The following KHDRBS2 variants were observed in gnomAD, a reference collection of about 807,000 sequenced individuals.
The protein encoded by KHDRBS2 is KH domain-containing, RNA-binding, signal transduction-associated protein 2.
A neutral mutation model predicts 44.3 loss-of-function variants in KHDRBS2; 26 were observed. The ratio of observed to expected loss-of-function variants is 0.59; its 90% CI spans 0.43 to 0.81. KHDRBS2 has a LOEUF of 0.81. KHDRBS2 is among the 40% of genes least tolerant of loss of function. The pLI is 0.00. For synonymous variants in KHDRBS2, 194 were observed against 151.1 expected, an observed-to-expected ratio of 1.28 and a Z score of -2.08; for missense variants, 476 against 433.1, an observed-to-expected ratio of 1.10 and a Z score of -0.88.
intron 6 of KHDRBS2, among the ~76,000 whole-genome samples, chr6:61,852,933 C>A (rs1157923923): frequency 4.0e-4 from 61 of 152,190 alleles, no homozygotes; most frequent in Non-Finnish European, 4.4e-5. Context: ...TTAACTCTAC[C>A]CACCATACCT....
intron 4 of KHDRBS2, among the ~76,000 whole-genome samples, chr6:61,954,354 TATGCATACATATATACGTATGTATGC>T (rs70993190): frequency 0.12 from 10,226 of 85,778 alleles, 1,364 homozygotes; most frequent in Admixed American, 0.16. Context: ...TATACATATG[TATGCATACATATATACGTATGTATGC>T]ATGCATACAT....
At chr6:61,641,297 C>T in the KHDRBS2 span, among the ~76,000 whole-genome samples, 2 of 152,190 alleles carry the variant, frequency 1.3e-5, no homozygotes. Context: ...TTCACTGGCT[C>T]ACCATTGCCT....
At chr6:62,011,099 C>T (rs1018550369) in intron 3 of KHDRBS2, among the ~76,000 whole-genome samples, 2 of 149,848 alleles carry the variant, frequency 1.3e-5, no homozygotes, top group East Asian at 3.9e-4. Flanking sequence ...ATTTTGATGA[C>T]TTATATATAT....
At chr6:61,601,799 C>G in the KHDRBS2 span, among the ~76,000 whole-genome samples, 1 of 152,226 alleles carries the variant, frequency 6.6e-6, no homozygotes, top group African/African-American at 2.4e-5. Flanking sequence ...GCTCTCCCAC[C>G]CTATAATCCT....
At chr6:61,874,195 G>A (rs1279822216) in intron 6 of KHDRBS2, among the ~76,000 whole-genome samples, 1 of 151,992 alleles carries the variant, frequency 6.6e-6, no homozygotes, top group Non-Finnish European at 1.5e-5. Context: ...ATAAGAAATA[G>A]TAACTAACAT....
intron 3 of KHDRBS2, among the ~76,000 whole-genome samples, chr6:61,983,305 G>A (rs563658642): frequency 4.2e-5 from 6 of 143,402 alleles, no homozygotes; most frequent in Admixed American, 1.5e-4. Context: ...TCAGACTCCT[G>A]GGCTCAAGTG....
chr6:61,834,369 A>G (rs1451177031), intron 6 of KHDRBS2, among the ~76,000 whole-genome samples: 1 of 152,084 alleles, frequency 6.6e-6, no homozygotes, highest in Non-Finnish European at 1.5e-5. Context: ...ATAAAATACA[A>G]TGAAACTACA....
intron 3 of KHDRBS2, among the ~76,000 whole-genome samples, chr6:61,990,758 G>A (rs1163368315): frequency 6.6e-6 from 1 of 151,210 alleles, no homozygotes; most frequent in East Asian, 1.9e-4. Context: ...TCACCAGGCT[G>A]GAGTGCAGTG....
downstream of KHDRBS2, among the ~76,000 whole-genome samples, chr6:61,676,707 A>G (rs1422159690): frequency 6.6e-6 from 1 of 151,818 alleles, no homozygotes; most frequent in African/African-American, 2.4e-5. Flanking sequence ...TGGTGTGGAC[A>G]ACTCTGTGAG....
intron 3 of KHDRBS2, among the ~76,000 whole-genome samples, chr6:62,036,185 AC>A (rs1478854477): frequency 6.6e-6 from 1 of 151,820 alleles, no homozygotes; most frequent in Non-Finnish European, 1.5e-5. Context: ...TGACTTAGGC[AC>A]CCTGAGTACA....
At chr6:61,945,826 A>G (rs1300016804) in intron 4 of KHDRBS2, among the ~76,000 whole-genome samples, 1 of 152,180 alleles carries the variant, frequency 6.6e-6, no homozygotes, top group Non-Finnish European at 1.5e-5. Context: ...AAGTCCATTT[A>G]TGTCCATTAA....
intron 1 of KHDRBS2, among the ~76,000 whole-genome samples, chr6:62,201,422 T>C (rs1051681292): frequency 6.6e-5 from 10 of 152,104 alleles, no homozygotes; most frequent in African/African-American, 2.4e-4. Flanking sequence ...TATTAGTGTG[T>C]AGTTTTTATT....
At chr6:61,772,309 T>C (rs1269475723) in intron 6 of KHDRBS2, among the ~76,000 whole-genome samples, 2 of 151,832 alleles carry the variant, frequency 1.3e-5, no homozygotes, top group Non-Finnish European at 2.9e-5. Context: ...AGGCAAGAAA[T>C]AACTAAGATC....
chr6:62,028,112 G>T (rs992373200), intron 3 of KHDRBS2, among the ~76,000 whole-genome samples: 19 of 152,046 alleles, frequency 1.2e-4, no homozygotes, highest in Non-Finnish European at 4.4e-5. Flanking sequence ...GTTAGTATCA[G>T]AATTGAGTTG....
intron 8 of KHDRBS2, among the ~76,000 whole-genome samples, chr6:61,694,675 C>T (rs906649464): frequency 1.3e-5 from 2 of 152,160 alleles, no homozygotes; most frequent in African/African-American, 4.8e-5. Flanking sequence ...TGGCTGGCCC[C>T]TGGTGTGGCT....
chr6:61,592,027 A>C, the KHDRBS2 span, among the ~76,000 whole-genome samples: 1 of 151,922 alleles, frequency 6.6e-6, no homozygotes, highest in Non-Finnish European at 1.5e-5. Context: ...TCATCTTTAC[A>C]AACAACAGAA....
intron 2 of KHDRBS2, among the ~76,000 whole-genome samples, chr6:62,154,762 C>T (rs924794338): frequency 2.6e-5 from 4 of 152,142 alleles, no homozygotes; most frequent in African/African-American, 9.7e-5. Context: ...CAAAATACTA[C>T]CACGTAGCTT....
intron 3 of KHDRBS2, among the ~76,000 whole-genome samples, chr6:62,014,384 C>A (rs957074732): frequency 8.5e-5 from 13 of 152,072 alleles, no homozygotes; most frequent in Admixed American, 2.0e-4. Flanking sequence ...AAAACCCAAT[C>A]TTTTGATTGA....
chr6:61,573,806 AGTAAAAGT>A, the KHDRBS2 span, among the ~76,000 whole-genome samples: 217 of 139,960 alleles, frequency 1.6e-3, no homozygotes, highest in African/African-American at 5.5e-3. Flanking sequence ...AAAAAAAAAA[AGTAAAAGT>A]AAAAGAGCCT....
Sources: gnomAD v4.1 joint callset for allele counts (sites outside exome capture counted in the v4.1 genomes callset) on GRCh38, gnomAD v4.1.1 for gene constraint, MANE v1.5 for transcripts, NCBI Gene and HGNC (gene_info 2026-07-23, HGNC 2026-07-21) for gene names.